The following NCK2 variants were observed in gnomAD, a reference collection of about 807,000 sequenced individuals.
NCK2 encodes NCK adaptor protein 2.
NCK2 carries 16 observed loss-of-function variants against 33.9 expected under a neutral mutation model. The ratio of observed to expected loss-of-function variants is 0.47; its 90% CI spans 0.32 to 0.72. The LOEUF (loss-of-function observed/expected upper bound fraction) is 0.72. NCK2 is among the 30% of genes least tolerant of loss of function. The probability of loss-of-function intolerance (pLI) is 0.03; values close to 1 mark genes in which losing one functional copy is unlikely to be tolerated. For missense variants in NCK2, 418 were observed against 537.3 expected (o/e 0.78, Z 2.19); for synonymous variants, 273 against 239.9 (o/e 1.14, Z -1.27).
intron 1 of NCK2, among the ~76,000 whole-genome samples, chr2:105,788,390 G>A (rs1208515018): frequency 2.6e-5 from 4 of 152,120 alleles, no homozygotes; most frequent in Non-Finnish European, 2.9e-5. Context: ...TGATGTTTCA[G>A]TCTTTTTTCC....
chr2:105,807,985 C>T (rs1008218876), intron 1 of NCK2, among the ~76,000 whole-genome samples: 2 of 151,890 alleles, frequency 1.3e-5, no homozygotes, highest in Non-Finnish European at 2.9e-5. Context: ...TCACTTTAGC[C>T]TCCGCCTCCT....
intron 4 of NCK2, among the ~76,000 whole-genome samples, chr2:105,888,767 C>A (rs1678828404): frequency 1.3e-5 from 2 of 152,136 alleles, no homozygotes; most frequent in Non-Finnish European, 2.9e-5. Context: ...TAGGGTGAGC[C>A]AGCTGTCATG....
At chr2:105,761,497 C>G (rs1305721356) in intron 1 of NCK2, among the ~76,000 whole-genome samples, 1 of 152,162 alleles carries the variant, frequency 6.6e-6, no homozygotes, top group Admixed American at 6.5e-5. Flanking sequence ...CCTTCCCAAA[C>G]CATTATACAC....
At chr2:105,842,148 C>T (rs764088859) in intron 2 of NCK2, among the ~76,000 whole-genome samples, 7 of 151,768 alleles carry the variant, frequency 4.6e-5, no homozygotes, top group East Asian at 1.9e-4. Context: ...TGCAATGGCG[C>T]GACCTCGGCT....
chr2:105,785,103 T>C (rs532682959), intron 1 of NCK2, among the ~76,000 whole-genome samples: 95 of 152,312 alleles, frequency 6.2e-4, no homozygotes, highest in Middle Eastern at 3.4e-3. Context: ...CTCAGCCTCC[T>C]GAGCACATGG....
intron 3 of NCK2, among the ~76,000 whole-genome samples, chr2:105,872,654 T>G: frequency 6.6e-6 from 1 of 152,190 alleles, no homozygotes; most frequent in Non-Finnish European, 1.5e-5. Context: ...TCTTGAGAAC[T>G]CTGAAGAAAT....
intron 1 of NCK2, among the ~76,000 whole-genome samples, chr2:105,792,136 C>T (rs1222996282): frequency 6.6e-6 from 1 of 152,142 alleles, no homozygotes; most frequent in Non-Finnish European, 1.5e-5. Context: ...ACCACTGACC[C>T]GCTCCATGCC....
At chr2:105,830,801 A>T (rs1676156204) in intron 2 of NCK2, among the ~76,000 whole-genome samples, 2 of 150,170 alleles carry the variant, frequency 1.3e-5, no homozygotes, top group South Asian at 4.2e-4. Context: ...GATATTGAGC[A>T]TTTTTTTTGC....
At chr2:105,774,882 C>T (rs751127594) in intron 1 of NCK2, among the ~76,000 whole-genome samples, 1 of 150,170 alleles carries the variant, frequency 6.7e-6, no homozygotes, top group Non-Finnish European at 1.5e-5. Context: ...AGATGTACAG[C>T]TGAAAAAACG....
chr2:105,892,820 T>C (rs1258207857), intron 4 of NCK2, among the ~76,000 whole-genome samples, 162 bp from the exon 5 acceptor site: 1 of 137,118 alleles, frequency 7.3e-6, no homozygotes, highest in Non-Finnish European at 1.5e-5. Flanking sequence ...CACTACAGCC[T>C]GGGCAAAAGA....
chr2:105,749,913 C>T (rs1334748389), intron 1 of NCK2, among the ~76,000 whole-genome samples: 1 of 152,016 alleles, frequency 6.6e-6, no homozygotes, highest in Non-Finnish European at 1.5e-5. Flanking sequence ...GGCTGTAATC[C>T]CAGCTACTCG....
chr2:105,826,994 A>C (rs975911063), intron 2 of NCK2, among the ~76,000 whole-genome samples: 71 of 151,906 alleles, frequency 4.7e-4, no homozygotes, highest in African/African-American at 1.2e-3. Flanking sequence ...ATTCTTTTTT[A>C]TTTTTTATTT....
chr2:105,809,780 G>A (rs4851869), intron 1 of NCK2, among the ~76,000 whole-genome samples: 10 of 152,208 alleles, frequency 6.6e-5, no homozygotes, highest in African/African-American at 1.7e-4. Flanking sequence ...AGGGAAGAGC[G>A]TTTAACTGTC....
upstream of NCK2, among the ~76,000 whole-genome samples, chr2:105,744,746 C>G (rs1313365908): frequency 6.7e-6 from 1 of 150,214 alleles, no homozygotes. Flanking sequence ...GTCTCGGGTC[C>G]CCGCCCCGCG....
At chr2:105,752,259 AATAATT>A (rs1476356945) in intron 1 of NCK2, among the ~76,000 whole-genome samples, 19 of 152,334 alleles carry the variant, frequency 1.2e-4, no homozygotes, top group African/African-American at 4.6e-4. Context: ...AACAATGTAG[AATAATT>A]ATAATGGTCA....
At chr2:105,780,354 AC>A in intron 1 of NCK2, among the ~76,000 whole-genome samples, 1 of 149,884 alleles carries the variant, frequency 6.7e-6, no homozygotes, top group South Asian at 2.1e-4. Flanking sequence ...ACACACACAC[AC>A]ACACACACAT....
At position 105,855,340 on chromosome 2, in the gene NCK2, T is replaced by C. The variant is rs118026024; in HGVS notation, c.226+51T>C. On this transcript the variant is annotated intron_variant, in intron 3 of 4. Coordinates refer to ENST00000233154, the MANE Select transcript of NCK2 (RefSeq NM_003581.5). ...AAGCCTTGTGCATTTCAAGGGACAC[T>C]GTTCGTCTTTCTAGTTAGTTTGCTG... 428 of 1,389,150 alleles carry C rather than the reference T, an allele frequency of 3.1e-4. 2 individuals are homozygous for C. The East Asian group carries it at 8.7e-3, about 28-fold the overall frequency. The allele number at this position is 1,389,150 out of a possible 1,614,324, so 86.1% of individuals were successfully genotyped here. A position where few individuals can be genotyped will look rare whatever the true frequency, so the allele number is the denominator to read the frequency against.
intron 1 of NCK2, among the ~76,000 whole-genome samples, chr2:105,747,957 T>A (rs1265502690): frequency 6.7e-6 from 1 of 149,720 alleles, no homozygotes; most frequent in Non-Finnish European, 1.5e-5. Flanking sequence ...AATTAGACTC[T>A]TTTCTTTTCC....
At chr2:105,845,925 G>A (rs975807369) in intron 2 of NCK2, among the ~76,000 whole-genome samples, 1 of 152,094 alleles carries the variant, frequency 6.6e-6, no homozygotes, top group Non-Finnish European at 1.5e-5. Context: ...CCCATTGTTG[G>A]TATTTCCTCT....
Sources: gnomAD v4.1 joint callset for allele counts (sites outside exome capture counted in the v4.1 genomes callset) on GRCh38, gnomAD v4.1.1 for gene constraint, MANE v1.5 for transcripts, NCBI Gene and HGNC (gene_info 2026-07-23, HGNC 2026-07-21) for gene names.